ATG10: variants seen among roughly 807,000 people sequenced by gnomAD.
ATG10 encodes the protein ubiquitin-like-conjugating enzyme ATG10.
A neutral mutation model predicts 32.1 loss-of-function variants in ATG10; 30 were observed. The observed-to-expected ratio is 0.94, with a 90% CI of 0.70 to 1.27. The LOEUF (loss-of-function observed/expected upper bound fraction) is 1.27, where lower values mean the gene tolerates loss of function less well. ATG10 is among the 50% of genes most tolerant of loss of function. The pLI is 0.00. For synonymous variants in ATG10, 87 were observed against 91.5 expected (o/e 0.95, Z 0.28); for missense variants, 233 against 262.3 (o/e 0.89, Z 0.77).
At position 82,023,508 on chromosome 5, in the gene ATG10, CTG is replaced by C. The variant is rs1455672173; in HGVS notation, c.109-34983_109-34982del. Among the ~76,000 whole-genome samples, 157 of 152,256 alleles carry C rather than the reference CTG, an allele frequency of 1.0e-3. 1 individual carries two copies. The highest frequency in any genetic ancestry group is 2.1e-3 in the South Asian group (10 of 4,822). ...TAAAGTTTAGAATACATTAAATAAA[CTG>C]TGTCAGAAATTATAAATAAACTAAA... On this transcript the variant is annotated intron_variant, in intron 2 of 7. Coordinates refer to ENST00000282185, the MANE Select transcript of ATG10 (RefSeq NM_031482.5).
intron 5 of ATG10, among the ~76,000 whole-genome samples, chr5:82,183,076 A>G (rs1325881604): frequency 1.3e-5 from 2 of 152,000 alleles, no homozygotes; most frequent in Non-Finnish European, 2.9e-5. Context: ...CTAAACATGA[A>G]TCTACAACTA....
chr5:82,253,348 G>A lies in ATG10; in HGVS notation c.586G>A (p.Val196Ile). 2 of 1,613,306 alleles carry A rather than the reference G, an allele frequency of 1.2e-6. No individual in the cohort carries two copies. Among genetic ancestry groups the A allele is most frequent in the Non-Finnish European group, 1.7e-6 (2 of 1,179,216 alleles). ...CTATATCACATCATGGCTGAGCATTGTAGGGCCAGTTGTTGGGCTGAATCT... is the reference window on the plus strand; with the variant it reads ...CTATATCACATCATGGCTGAGCATTATAGGGCCAGTTGTTGGGCTGAATCT... The part of the protein sequence containing the change: ...VNYITSWLSI[V>I]GPVVGLNLPL... The change falls in exon 7 of 8, where the codon GTA (valine) becomes ATA (isoleucine). Residue 196 changes from valine (V) to isoleucine (I), a missense_variant. Val to Ile is a conservative substitution (Grantham distance 29). Coordinates refer to ENST00000282185, the MANE Select transcript of ATG10 (RefSeq NM_031482.5).
intron 5 of ATG10, among the ~76,000 whole-genome samples, chr5:82,209,021 G>A (rs925628575): frequency 6.6e-6 from 1 of 151,924 alleles, no homozygotes; most frequent in Non-Finnish European, 1.5e-5. Context: ...CATAAAATGA[G>A]CTGGGAAGGG....
intron 4 of ATG10, among the ~76,000 whole-genome samples, chr5:82,175,049 C>G (rs931998078): frequency 6.6e-6 from 1 of 152,116 alleles, no homozygotes; most frequent in Non-Finnish European, 1.5e-5. Context: ...CCAGTTGCAT[C>G]ATTGTGGATG....
At chr5:82,010,061 G>A (rs1174273424) in intron 2 of ATG10, 34 of 1,610,188 alleles carry the variant, frequency 2.1e-5, no homozygotes, top group African/African-American at 2.7e-5. Flanking sequence ...CGCCATCGAC[G>A]GCAATGTCGA....
In ATG10 at chr5:81,987,685, A is replaced by G. The variant is rs1364832507; in HGVS notation, c.108+7A>G. The G allele has an allele frequency of 1.3e-6, 2 of 1,585,934 alleles. No homozygotes were observed. The highest frequency in any genetic ancestry group is 1.8e-5 in the Admixed American group (1 of 56,626). On this transcript the variant is annotated splice_region_variant and intron_variant, in intron 2 of 7. Transcript: ENST00000282185. ...GGAATGGAGACCATCAAAGGTAAGA[A>G]TGGAAATGTTTGTTTTCTGTCTCAA... is the stretch of plus-strand genomic sequence containing the variant.
intron 5 of ATG10, among the ~76,000 whole-genome samples, chr5:82,188,386 T>C (rs1265376973): frequency 6.6e-6 from 1 of 152,206 alleles, no homozygotes; most frequent in East Asian, 1.9e-4. Flanking sequence ...TCTCCCAGCA[T>C]TTCATTGATC....
intron 3 of ATG10, among the ~76,000 whole-genome samples, chr5:82,150,809 T>A (rs1242965750): frequency 6.6e-6 from 1 of 152,210 alleles, no homozygotes; most frequent in Admixed American, 6.5e-5. Context: ...AACTGCATGA[T>A]CAGTGACTCA....
chr5:82,087,775 A>AT (rs1176445218), intron 3 of ATG10, among the ~76,000 whole-genome samples: 1 of 152,096 alleles, frequency 6.6e-6, no homozygotes, highest in Non-Finnish European at 1.5e-5. Context: ...ATCCTTAAAA[A>AT]TTTGCTGAGA....
chr5:82,216,409 T>C (rs1362648407), intron 5 of ATG10, among the ~76,000 whole-genome samples: 2 of 152,224 alleles, frequency 1.3e-5, no homozygotes, highest in Non-Finnish European at 2.9e-5. Flanking sequence ...AAGAGACATA[T>C]ATTATTAACT....
At chr5:82,090,120 C>CA (rs1462479287) in intron 3 of ATG10, among the ~76,000 whole-genome samples, 1 of 150,542 alleles carries the variant, frequency 6.6e-6, no homozygotes, top group Non-Finnish European at 1.5e-5. Flanking sequence ...CAGATGCTGG[C>CA]AAGGATGCAG....
chr5:82,252,394 G>A (rs984120660), intron 5 of ATG10, among the ~76,000 whole-genome samples, 168 bp from the exon 6 acceptor site: 2 of 152,198 alleles, frequency 1.3e-5, no homozygotes, highest in Non-Finnish European at 2.9e-5. Flanking sequence ...AACTTCTTCT[G>A]ATGTTTGGAT....
intron 3 of ATG10, among the ~76,000 whole-genome samples, chr5:82,092,496 G>C (rs1247014929): frequency 6.6e-6 from 1 of 152,160 alleles, no homozygotes; most frequent in Admixed American, 6.6e-5. Context: ...GACTGGTTAA[G>C]CAGTTCTGTA....
intron 2 of ATG10, among the ~76,000 whole-genome samples, chr5:82,051,881 AGTAGTTTC>A (rs1763439603): frequency 6.6e-6 from 1 of 152,190 alleles, no homozygotes; most frequent in South Asian, 2.1e-4. Flanking sequence ...TCTACTTAGC[AGTAGTTTC>A]TAGTTTCTTC....
chr5:82,225,925 A>G (rs1425890474), intron 5 of ATG10, among the ~76,000 whole-genome samples: 1 of 152,214 alleles, frequency 6.6e-6, no homozygotes, highest in Non-Finnish European at 1.5e-5. Flanking sequence ...ACTATGGTAT[A>G]TTGTTTATAT....
chr5:82,011,647 G>T (rs1476775289), intron 2 of ATG10, among the ~76,000 whole-genome samples: 2 of 152,218 alleles, frequency 1.3e-5, no homozygotes, highest in Admixed American at 6.5e-5. Flanking sequence ...TTGGTCAGAG[G>T]TTATGCTCAA....
intron 2 of ATG10, among the ~76,000 whole-genome samples, chr5:81,998,381 G>A (rs896790490): frequency 1.3e-5 from 2 of 152,220 alleles, no homozygotes; most frequent in African/African-American, 2.4e-5. Flanking sequence ...AAGAGGTGCT[G>A]AGGAAGGGCT....
chr5:82,084,167 G>A (rs1291448281), intron 3 of ATG10, among the ~76,000 whole-genome samples: 3 of 152,148 alleles, frequency 2.0e-5, no homozygotes, highest in South Asian at 2.1e-4. Flanking sequence ...ACCATGGCAC[G>A]AGAGCTACGT....
intron 5 of ATG10, among the ~76,000 whole-genome samples, chr5:82,215,234 A>T (rs1745631147): frequency 6.6e-6 from 1 of 152,152 alleles, no homozygotes; most frequent in African/African-American, 2.4e-5. Context: ...TTCTCCATAG[A>T]ACGTCTTACA....
Sources: allele counts gnomAD v4.1 joint callset (sites outside exome capture counted in the v4.1 genomes callset), GRCh38; gene constraint gnomAD v4.1.1; transcripts MANE v1.5; gene names NCBI Gene and HGNC (gene_info 2026-07-23, HGNC 2026-07-21).